The following MTDH variants were observed in gnomAD, a reference collection of about 807,000 sequenced individuals.
MTDH encodes the protein protein LYRIC.
MTDH carries 34 observed loss-of-function variants against 72.7 expected under a neutral mutation model. The observed-to-expected ratio is 0.47, with a 90% CI of 0.36 to 0.62. MTDH has a LOEUF of 0.62. Among genes scored for constraint, MTDH ranks in the 20% least tolerant of loss-of-function variants. MTDH has a pLI of 0.00. For synonymous variants in MTDH, 266 were observed against 268.9 expected, an observed-to-expected ratio of 0.99 and a Z score of 0.10; for missense variants, 677 against 699.4, an observed-to-expected ratio of 0.97 and a Z score of 0.36.
chr8:97,728,609 A>G lies in MTDH; in HGVS notation c.*3939A>G, dbSNP rs1206462636. 6.6e-6 allele frequency: 1 copy of G among 152,054 alleles called. No homozygotes were observed. The allele number at this position is 152,054 out of a possible 1,614,324, so 9.4% of individuals were successfully genotyped here. ...AGGTTGGCTGTGTCCCCAAACAGCA[A>G]TTGCTTGTACAAGATAGAAGTTTGC... On this transcript the variant is annotated 3_prime_UTR_variant, in exon 12 of 12. Coordinates refer to ENST00000336273, the MANE Select transcript of MTDH (RefSeq NM_178812.4).
chr8:97,682,292 T>A (rs1813169639), intron 2 of MTDH, among the ~76,000 whole-genome samples: 1 of 39,910 alleles, frequency 2.5e-5, no homozygotes, highest in African/African-American at 9.3e-5. Flanking sequence ...TTTTTTTTTT[T>A]TTTTTTTTTT....
intron 1 of MTDH, among the ~76,000 whole-genome samples, chr8:97,657,504 AT>A (rs1156439999): frequency 3.3e-5 from 5 of 150,498 alleles, no homozygotes; most frequent in Admixed American, 6.6e-5. Context: ...TTTCTTTTGT[AT>A]TTTTTTTTCT....
intron 8 of MTDH, among the ~76,000 whole-genome samples, chr8:97,708,260 A>C (rs900643368): frequency 3.0e-5 from 3 of 98,714 alleles, no homozygotes; most frequent in Non-Finnish European, 3.7e-5. Flanking sequence ...CCACCATGCC[A>C]GGCCTTTTTT....
intron 2 of MTDH, among the ~76,000 whole-genome samples, chr8:97,684,533 G>A (rs1391703079): frequency 6.6e-6 from 1 of 152,188 alleles, no homozygotes; most frequent in Non-Finnish European, 1.5e-5. Context: ...TGCTATATGA[G>A]CAGAGTTCTG....
rs995924278 is a variant in MTDH, at chr8:97,691,028, G to C, written c.888G>C (p.Gln296His). The C allele has an allele frequency of 1.2e-6, 2 of 1,614,152 alleles. No individual in the cohort carries two copies. Among genetic ancestry groups the C allele is most frequent in the Non-Finnish European group, 1.7e-6 (2 of 1,179,998 alleles). ...WNEKSVKLSS[Q>H]ISAGEEKWNS... ...AAAAGTCTGTAAAACTCTCCTCACA[G>C]ATCAGTGCAGGTGAGGAGAAGTGGA... Residue 296 changes from glutamine to histidine, a missense_variant, in exon 6 of 12, where the codon CAG becomes CAC. Transcript: ENST00000336273.
chr8:97,703,745 A>C (rs1161888371), intron 7 of MTDH, among the ~76,000 whole-genome samples: 1 of 152,210 alleles, frequency 6.6e-6, no homozygotes, highest in Admixed American at 6.5e-5. Context: ...TAAATTTTTA[A>C]CTATACATGC....
intron 1 of MTDH, 57 bp downstream of exon 1, chr8:97,644,944 C>A: frequency 6.8e-7 from 1 of 1,472,548 alleles, no homozygotes; most frequent in Non-Finnish European, 8.9e-7. Flanking sequence ...TGGAGACCCT[C>A]GAGCTTGGGG....
chr8:97,682,959 A>G (rs560978602), intron 2 of MTDH, among the ~76,000 whole-genome samples: 42 of 151,582 alleles, frequency 2.8e-4, no homozygotes, highest in African/African-American at 9.9e-4. Context: ...GGGAGACTAA[A>G]TAAGAGGTTA....
At chr8:97,694,235 T>C (rs1201033159) in intron 6 of MTDH, among the ~76,000 whole-genome samples, 1 of 151,974 alleles carries the variant, frequency 6.6e-6, no homozygotes, top group Non-Finnish European at 1.5e-5. Context: ...TTTGCCCTTG[T>C]TGCCTAGGCT....
chr8:97,659,432 G>A (rs1285075941), intron 1 of MTDH, among the ~76,000 whole-genome samples: 1 of 152,200 alleles, frequency 6.6e-6, no homozygotes, highest in Non-Finnish European at 1.5e-5. Flanking sequence ...AGACCCAGCA[G>A]ATTATATTTG....
chr8:97,658,281 C>A (rs1812054660), intron 1 of MTDH, among the ~76,000 whole-genome samples: 1 of 152,194 alleles, frequency 6.6e-6, no homozygotes, highest in African/African-American at 2.4e-5. Flanking sequence ...AAAGAAGGAA[C>A]TAAAATTGGC....
chr8:97,673,664 C>G (rs12677914), intron 2 of MTDH, among the ~76,000 whole-genome samples: 28 of 117,836 alleles, frequency 2.4e-4, no homozygotes, highest in Admixed American at 5.7e-4. Context: ...CTGTCTTGGG[C>G]GGGGCGGGGA....
At chr8:97,699,325 T>C (rs969080706) in intron 6 of MTDH, among the ~76,000 whole-genome samples, 2 of 151,876 alleles carry the variant, frequency 1.3e-5, no homozygotes, top group African/African-American at 4.8e-5. Flanking sequence ...GGTACAAGCC[T>C]GTGGTTCCAG....
intron 2 of MTDH, among the ~76,000 whole-genome samples, chr8:97,668,424 G>A (rs1391752257): frequency 6.6e-6 from 1 of 152,102 alleles, no homozygotes; most frequent in African/African-American, 2.4e-5. Context: ...CATGTTCCCA[G>A]GATCTCCTGA....
At chr8:97,650,903 T>G (rs887412076) in intron 1 of MTDH, among the ~76,000 whole-genome samples, 1 of 152,108 alleles carries the variant, frequency 6.6e-6, no homozygotes, top group East Asian at 1.9e-4. Context: ...CTATGCCATA[T>G]TGTTTAGATT....
At chr8:97,669,337 G>A (rs1041979807) in intron 2 of MTDH, among the ~76,000 whole-genome samples, 1 of 151,620 alleles carries the variant, frequency 6.6e-6, no homozygotes, top group Non-Finnish European at 1.5e-5. Flanking sequence ...TAATAGAGAC[G>A]GGGTTTCACC....
In MTDH at chr8:97,705,503, G is replaced by A. The variant is rs191301469; in HGVS notation, c.1148-1123G>A. On this transcript the variant is annotated intron_variant, in intron 7 of 11. Coordinates refer to ENST00000336273, the MANE Select transcript of MTDH (RefSeq NM_178812.4). Reference sequence around the variant, plus strand: ...TAATCCCAGCTACTCGGGAGGCTGAGGCAGGAGAATCACTTGAACCTGGGA... The same window carrying A: ...TAATCCCAGCTACTCGGGAGGCTGAAGCAGGAGAATCACTTGAACCTGGGA... Among the ~76,000 whole-genome samples, 1,321 of 152,338 alleles carry A rather than the reference G, an allele frequency of 8.7e-3. 12 individuals are homozygous for A. Among genetic ancestry groups the A allele is most frequent in the Admixed American group, 0.016 (249 of 15,308 alleles).
chr8:97,671,075 C>T (rs1812602655), intron 2 of MTDH, among the ~76,000 whole-genome samples: 1 of 150,284 alleles, frequency 6.7e-6, no homozygotes, highest in African/African-American at 2.4e-5. Context: ...ACGCCATTCT[C>T]CTGCCTCAGC....
intron 8 of MTDH, 70 bp downstream of exon 8, chr8:97,706,820 C>T (rs1231186328): frequency 6.6e-7 from 1 of 1,509,136 alleles, no homozygotes; most frequent in Non-Finnish European, 8.9e-7. Context: ...TGGCTCACGC[C>T]TATGATTCCA....
Sources: gnomAD v4.1 joint callset for allele counts (sites outside exome capture counted in the v4.1 genomes callset) on GRCh38, gnomAD v4.1.1 for gene constraint, MANE v1.5 for transcripts, NCBI Gene and HGNC (gene_info 2026-07-23, HGNC 2026-07-21) for gene names.